PTPN14: variants seen among roughly 807,000 people sequenced by gnomAD.
The protein encoded by PTPN14 is protein tyrosine phosphatase non-receptor type 14, also known as tyrosine-protein phosphatase non-receptor type 14.
In PTPN14, 53 loss-of-function variants were observed where a neutral mutation model predicts 126.8. The ratio of observed to expected loss-of-function variants is 0.42; its 90% confidence interval spans 0.34 to 0.53. The LOEUF is 0.53. Ranked by LOEUF, PTPN14 falls within the 20% of genes least tolerant of loss-of-function variation. The pLI is 0.08. For missense variants in PTPN14, 1,257 were observed against 1,552.9 expected (o/e 0.81, Z 3.20); for synonymous variants, 630 against 599.3 (o/e 1.05, Z -0.75).
At chr1:214,404,230 T>C (rs552505653) in intron 5 of PTPN14, among the ~76,000 whole-genome samples, 1 of 152,332 alleles carries the variant, frequency 6.6e-6, no homozygotes, top group South Asian at 2.1e-4. Context: ...AAATGTATGC[T>C]AAAAATTCTA....
intron 1 of PTPN14, among the ~76,000 whole-genome samples, chr1:214,484,989 G>T (rs968997291): frequency 2.0e-5 from 3 of 152,016 alleles, no homozygotes; most frequent in Non-Finnish European, 4.4e-5. Context: ...ATTTTCTCAA[G>T]GAAAAACAAA....
intron 14 of PTPN14, 142 bp from the exon 15 acceptor site, chr1:214,376,579 A>T (rs1056920260): frequency 1.4e-6 from 1 of 707,204 alleles, no homozygotes; most frequent in Non-Finnish European, 2.3e-6. Flanking sequence ...TCTCATTATC[A>T]ACCATATTGA....
chr1:214,538,812 T>C (rs1030824055), intron 1 of PTPN14, among the ~76,000 whole-genome samples: 1 of 152,212 alleles, frequency 6.6e-6, no homozygotes, highest in African/African-American at 2.4e-5. Context: ...TATATATTAA[T>C]ATTAACCACA....
At chr1:214,494,120 G>C (rs1270863639) in intron 1 of PTPN14, among the ~76,000 whole-genome samples, 3 of 151,938 alleles carry the variant, frequency 2.0e-5, no homozygotes, top group African/African-American at 4.8e-5. Flanking sequence ...GCCCAGGCTG[G>C]AGTGCAGTGG....
intron 5 of PTPN14, among the ~76,000 whole-genome samples, chr1:214,410,666 C>T (rs553430481): frequency 6.6e-6 from 1 of 152,312 alleles, no homozygotes; most frequent in African/African-American, 2.4e-5. Flanking sequence ...CAGTCCTCTG[C>T]ATGTAGATGG....
chr1:214,442,820 C>CTTTTTTTTTTTTTT (rs61357323), intron 3 of PTPN14, among the ~76,000 whole-genome samples: 1 of 140,140 alleles, frequency 7.1e-6, no homozygotes. Context: ...GCATAGCTTT[C>CTTTTTTTTTTTTTT]TTTTTTTTTT....
intron 15 of PTPN14, among the ~76,000 whole-genome samples, chr1:214,373,603 ACACAC>A (rs1450133244): frequency 1.7e-4 from 22 of 125,860 alleles, no homozygotes; most frequent in Non-Finnish European, 2.3e-4. Context: ...ACACACACAC[ACACAC>A]CTGGTCATGA....
rs59407257 is a variant in PTPN14 at position 214,518,809 on chromosome 1, C to T, written c.-155+32374G>A. On this transcript the variant is annotated intron_variant, in intron 1 of 18. Coordinates refer to ENST00000366956, the MANE Select transcript of PTPN14 (RefSeq NM_005401.5). The stretch of plus-strand genomic sequence containing the variant: ...AAAAAGAGGTAAAATTAAGTAACTA[C>T]GCTACCCAAAAAAAAGTCTTTATGT... Among the ~76,000 whole-genome samples the T allele has an allele frequency of 9.3e-4, 142 of 152,174 alleles. 1 individual carries two copies. Among genetic ancestry groups the T allele is most frequent in the African/African-American group, 3.3e-3 (139 of 41,518 alleles).
intron 2 of PTPN14, among the ~76,000 whole-genome samples, chr1:214,455,934 C>T (rs3902966): frequency 0.38 from 57,480 of 151,620 alleles, 11,126 homozygotes; most frequent in East Asian, 0.52. Flanking sequence ...GTACCTTTTG[C>T]TCAATCTTGC....
intron 3 of PTPN14, among the ~76,000 whole-genome samples, chr1:214,431,680 T>C (rs1659800327): frequency 6.6e-6 from 1 of 152,154 alleles, no homozygotes; most frequent in Non-Finnish European, 1.5e-5. Flanking sequence ...CTGTGTAGGC[T>C]TGGATCACAG....
chr1:214,399,232 C>T (rs1221507262), intron 7 of PTPN14, among the ~76,000 whole-genome samples: 2 of 152,226 alleles, frequency 1.3e-5, no homozygotes, highest in Non-Finnish European at 2.9e-5. Flanking sequence ...GACAACATCA[C>T]AGCAATAAGG....
chr1:214,512,017 T>A (rs11811240), intron 1 of PTPN14, among the ~76,000 whole-genome samples: 6,022 of 152,234 alleles, frequency 0.04, 421 homozygotes, highest in African/African-American at 0.14. Context: ...CCTTGCTGAC[T>A]GGGGAAAGGC....
intron 1 of PTPN14, among the ~76,000 whole-genome samples, chr1:214,540,618 G>C (rs531570762): frequency 6.6e-6 from 1 of 152,116 alleles, no homozygotes; most frequent in African/African-American, 2.4e-5. Context: ...CCACTTCACA[G>C]CCTAGAGCTA....
intron 1 of PTPN14, among the ~76,000 whole-genome samples, chr1:214,467,444 G>A (rs921661197): frequency 6.6e-6 from 1 of 152,182 alleles, no homozygotes; most frequent in African/African-American, 2.4e-5. Context: ...GGCTTGGTAC[G>A]CATTTATCCC....
chr1:214,497,421 G>T (rs1485583745), intron 1 of PTPN14, among the ~76,000 whole-genome samples: 1 of 152,064 alleles, frequency 6.6e-6, no homozygotes, highest in African/African-American at 2.4e-5. Flanking sequence ...CTATTTATTG[G>T]CATACACACA....
intron 16 of PTPN14, among the ~76,000 whole-genome samples, chr1:214,371,748 C>G (rs1658223140): frequency 6.6e-6 from 1 of 152,142 alleles, no homozygotes; most frequent in African/African-American, 2.4e-5. Flanking sequence ...GTGGGAAGGT[C>G]AAACAGGTCA....
At chr1:214,512,686 C>T (rs899372700) in intron 1 of PTPN14, among the ~76,000 whole-genome samples, 1 of 152,058 alleles carries the variant, frequency 6.6e-6, no homozygotes, top group Non-Finnish European at 1.5e-5. Context: ...TTTTTAGATG[C>T]TAAAAAAATA....
rs912508209 is a variant in PTPN14 at position 214,364,869 on chromosome 1, C to G, written c.3272-194G>C. The stretch of plus-strand genomic sequence containing the variant: ...AATTATTTGGCTGGTACCCAATGTA[C>G]AGTCCTGGATCCAGACAGGACCAGC... On this transcript the variant is annotated intron_variant, in intron 17 of 18. Coordinates refer to ENST00000366956, the MANE Select transcript of PTPN14 (RefSeq NM_005401.5). This position sits in a 1 kb window ranked among gnomAD's most constrained non-coding sequence, Gnocchi z 4.1. Among the ~76,000 whole-genome samples, 1 of 151,434 alleles carries G rather than the reference C, an allele frequency of 6.6e-6. No homozygotes were observed. Among genetic ancestry groups the G allele is most frequent in the African/African-American group, 2.4e-5 (1 of 41,134 alleles).
At chr1:214,524,300 A>C (rs931248560) in intron 1 of PTPN14, among the ~76,000 whole-genome samples, 1 of 152,062 alleles carries the variant, frequency 6.6e-6, no homozygotes, top group Non-Finnish European at 1.5e-5. Context: ...AGTTTTTGAA[A>C]CTACTTCTAT....
Sources: allele counts gnomAD v4.1 joint callset (sites outside exome capture counted in the v4.1 genomes callset), GRCh38; gene constraint gnomAD v4.1.1; non-coding constraint Gnocchi (gnomAD v3.1); transcripts MANE v1.5; gene names NCBI Gene and HGNC (gene_info 2026-07-23, HGNC 2026-07-21).